Variants in PCDHA8 observed in about 807,000 individuals in gnomAD.
PCDHA8 encodes protocadherin alpha-8.
In PCDHA8, 53 loss-of-function variants were observed where a neutral mutation model predicts 61.8. The ratio of observed to expected loss-of-function variants is 0.86; its 90% CI spans 0.69 to 1.08. The LOEUF (loss-of-function observed/expected upper bound fraction) is 1.08. Ranked by LOEUF, PCDHA8 falls within the 50% of genes least tolerant of loss-of-function variation. The pLI is 0.00. For missense variants in PCDHA8, 1,293 were observed against 1,245.0 expected (o/e 1.04, Z -0.58); for synonymous variants, 618 against 556.6 (o/e 1.11, Z -1.55).
intron 1 of PCDHA8, chr5:140,870,744 C>G: frequency 3.7e-6 from 6 of 1,613,474 alleles, no homozygotes; most frequent in Non-Finnish European, 5.1e-6. Flanking sequence ...TGAGCAGCAA[C>G]GTGACGCTGC....
intron 1 of PCDHA8, among the ~76,000 whole-genome samples, chr5:140,916,143 T>A (rs1237563249): frequency 4.6e-5 from 7 of 152,012 alleles, no homozygotes; most frequent in Non-Finnish European, 8.8e-5. Context: ...GCTGTTCAGT[T>A]GTGTTGTGGT....
chr5:140,847,597 C>G (rs1439547927), intron 1 of PCDHA8: 1 of 149,348 alleles, frequency 6.7e-6, no homozygotes, highest in African/African-American at 2.5e-5. Context: ...GAAATTAAAA[C>G]ATATTGTAAT....
At chr5:140,982,367 G>A in intron 2 of PCDHA8, 108 bp from the exon 3 acceptor site, 1 of 1,544,446 alleles carries the variant, frequency 6.5e-7, no homozygotes, top group Non-Finnish European at 8.7e-7. Context: ...AGCAGAATGT[G>A]TTAGCTGCAG....
At chr5:140,892,850 A>G (rs2063700618) in intron 1 of PCDHA8, among the ~76,000 whole-genome samples, 1 of 152,104 alleles carries the variant, frequency 6.6e-6, no homozygotes, top group Non-Finnish European at 1.5e-5. Flanking sequence ...ACCACAACCC[A>G]TTCCTCCTGT....
intron 1 of PCDHA8, among the ~76,000 whole-genome samples, chr5:140,952,753 A>T (rs782624078): frequency 4.6e-5 from 7 of 152,194 alleles, no homozygotes; most frequent in Non-Finnish European, 1.0e-4. Context: ...CTATAAAAAC[A>T]CCTGAGACTG....
chr5:140,862,882 G>T (rs782187514), intron 1 of PCDHA8: 2 of 564,526 alleles, frequency 3.5e-6, no homozygotes, highest in Non-Finnish European at 6.8e-6. Flanking sequence ...TATTAGTGCT[G>T]GAACGACAAC....
At chr5:140,977,589 G>A (rs567353301) in intron 1 of PCDHA8, among the ~76,000 whole-genome samples, 15 of 152,274 alleles carry the variant, frequency 9.9e-5, no homozygotes, top group Admixed American at 2.6e-4. Flanking sequence ...AGAGCAGTTA[G>A]CATGTGAGGA....
At chr5:140,966,670 G>C in intron 1 of PCDHA8, 1 of 1,283,064 alleles carries the variant, frequency 7.8e-7, no homozygotes, top group Non-Finnish European at 1.0e-6. Flanking sequence ...AGCAGGCGCA[G>C]GGTGGCACGA....
Position 140,877,714 on chromosome 5 carries a change from T to G in PCDHA8, c.2394+33999T>G, listed in dbSNP as rs781999747. 3.1e-6 allele frequency: 5 copies of G among 1,613,836 alleles called. No homozygotes were observed. The highest frequency in any genetic ancestry group is 4.2e-6 in the Non-Finnish European group (5 of 1,179,978). ...GGTGTGCTCCAGCGCCGTGGGGAGTTGGTCTTACTCGCAGCAGAGGAGGCA... is the reference window on the plus strand; with the variant it reads ...GGTGTGCTCCAGCGCCGTGGGGAGTGGGTCTTACTCGCAGCAGAGGAGGCA... On this transcript the variant is annotated intron_variant, in intron 1 of 3. Coordinates refer to ENST00000531613, the MANE Select transcript of PCDHA8 (RefSeq NM_018911.3).
At chr5:140,862,618 C>T in intron 1 of PCDHA8, 1 of 526,556 alleles carries the variant, frequency 1.9e-6, no homozygotes, top group East Asian at 5.1e-5. Context: ...AGGTAACAAC[C>T]CGCGGGGCTG....
chr5:141,004,608 T>A (rs2153981502), intron 3 of PCDHA8, among the ~76,000 whole-genome samples: 1 of 152,348 alleles, frequency 6.6e-6, no homozygotes, highest in African/African-American at 2.4e-5. Flanking sequence ...TTAGGCCTCA[T>A]GCAGAGTCCT....
chr5:140,983,009 G>C (rs1272086703), intron 3 of PCDHA8, among the ~76,000 whole-genome samples: 2 of 151,884 alleles, frequency 1.3e-5, no homozygotes, highest in Non-Finnish European at 2.9e-5. Flanking sequence ...AAAGAAAAAG[G>C]AAGGAAGGAA....
intron 3 of PCDHA8, among the ~76,000 whole-genome samples, chr5:141,005,701 CAAAA>C (rs59860837): frequency 2.6e-4 from 2 of 7,790 alleles, no homozygotes; most frequent in African/African-American, 4.7e-4. Flanking sequence ...AACTCCGTCT[CAAAA>C]AAAAAAAAAA....
intron 1 of PCDHA8, among the ~76,000 whole-genome samples, chr5:140,892,939 C>G (rs1583111138): frequency 6.6e-6 from 1 of 152,188 alleles, no homozygotes; most frequent in Non-Finnish European, 1.5e-5. Context: ...CTGATAAGCA[C>G]AATACTACTT....
chr5:140,924,876 C>G (rs1380631161), intron 1 of PCDHA8, among the ~76,000 whole-genome samples: 1 of 144,704 alleles, frequency 6.9e-6, no homozygotes, highest in Non-Finnish European at 1.5e-5. Flanking sequence ...GCCTGGGTGA[C>G]AGAGCAAGAA....
At chr5:140,936,571 C>G (rs2153629502) in intron 1 of PCDHA8, among the ~76,000 whole-genome samples, 1 of 152,342 alleles carries the variant, frequency 6.6e-6, no homozygotes, top group African/African-American at 2.4e-5. Flanking sequence ...ATATTTTCCA[C>G]TTGTAAATCC....
chr5:140,881,680 T>G (rs1391876461), intron 1 of PCDHA8, among the ~76,000 whole-genome samples: 1 of 152,268 alleles, frequency 6.6e-6, no homozygotes. Flanking sequence ...GTGATTGTTA[T>G]GTTTCCTTTT....
At chr5:140,946,474 A>G (rs2093947876) in intron 1 of PCDHA8, among the ~76,000 whole-genome samples, 1 of 151,798 alleles carries the variant, frequency 6.6e-6, no homozygotes, top group Non-Finnish European at 1.5e-5. Context: ...ACTACTGGGT[A>G]TATATCCAAA....
At chr5:140,890,576 A>T (rs1554184435) in intron 1 of PCDHA8, among the ~76,000 whole-genome samples, 2 of 151,634 alleles carry the variant, frequency 1.3e-5, no homozygotes, top group African/African-American at 4.8e-5. Flanking sequence ...TTCCTTCTGT[A>T]TTATTTGGAA....
Sources: allele counts gnomAD v4.1 joint callset (sites outside exome capture counted in the v4.1 genomes callset), GRCh38; gene constraint gnomAD v4.1.1; transcripts MANE v1.5; gene names NCBI Gene and HGNC (gene_info 2026-07-23, HGNC 2026-07-21).